The following SCAPER variants were observed in gnomAD, a reference collection of about 807,000 sequenced individuals.
The protein encoded by SCAPER is S phase cyclin A-associated protein in the endoplasmic reticulum.
In SCAPER, 98 loss-of-function variants were observed where a neutral mutation model predicts 182.2. That is an observed-to-expected ratio of 0.54 (90% confidence interval 0.46 to 0.64). The LOEUF (loss-of-function observed/expected upper bound fraction) is 0.64, where lower values mean the gene tolerates loss of function less well. Ranked by LOEUF, SCAPER falls within the 30% of genes least tolerant of loss-of-function variation. SCAPER has a pLI of 0.00. For synonymous variants in SCAPER, 605 were observed against 564.6 expected (o/e 1.07, Z -1.01); for missense variants, 1,432 against 1,690.0 (o/e 0.85, Z 2.68).
chr15:76,432,574 G>A (rs1015683903), intron 26 of SCAPER, among the ~76,000 whole-genome samples: 4 of 152,242 alleles, frequency 2.6e-5, no homozygotes, highest in Admixed American at 2.0e-4. Flanking sequence ...GATCAGTGCA[G>A]AACACAGAAG....
chr15:76,848,298 C>T (rs188484471), intron 4 of SCAPER, among the ~76,000 whole-genome samples: 3 of 141,838 alleles, frequency 2.1e-5, no homozygotes, highest in Admixed American at 2.1e-4. Flanking sequence ...CCGCGCCTGG[C>T]CTAAAACATT....
At chr15:76,854,666 T>TA (rs997863147) in intron 4 of SCAPER, among the ~76,000 whole-genome samples, 16 of 151,200 alleles carry the variant, frequency 1.1e-4, no homozygotes, top group African/African-American at 2.4e-4. Context: ...TCCTAAGTTT[T>TA]AAAAAAAACA....
chr15:76,647,436 A>C (rs985217793), intron 21 of SCAPER, among the ~76,000 whole-genome samples: 1 of 152,216 alleles, frequency 6.6e-6, no homozygotes, highest in South Asian at 2.1e-4. Flanking sequence ...CCTCAGAAAA[A>C]GAAAGCAAGT....
At chr15:76,856,498 A>G (rs1235655726) in intron 4 of SCAPER, among the ~76,000 whole-genome samples, 1 of 150,866 alleles carries the variant, frequency 6.6e-6, no homozygotes, top group African/African-American at 2.4e-5. Context: ...TTTTATATGT[A>G]TATATTAAAA....
At chr15:76,411,161 G>A (rs1224938001) in intron 26 of SCAPER, among the ~76,000 whole-genome samples, 2 of 152,002 alleles carry the variant, frequency 1.3e-5, no homozygotes, top group Non-Finnish European at 2.9e-5. Flanking sequence ...TTTTATATCT[G>A]TCCCTGGCTA....
At chr15:76,743,050 A>G (rs1467576463) in intron 15 of SCAPER, among the ~76,000 whole-genome samples, 2 of 152,154 alleles carry the variant, frequency 1.3e-5, no homozygotes, top group Admixed American at 6.5e-5. Flanking sequence ...ATTGACATGT[A>G]GGTAAAATTA....
chr15:76,603,676 A>G lies in SCAPER; in HGVS notation c.2711+18088T>C. On this transcript the variant is annotated intron_variant, in intron 22 of 31. Transcript: ENST00000563290. ...TGTAAAAGTGTTCCTATTTCTCCAC[A>G]TCCTCTCCAGCACCTGTTGTTTCCT... Among the ~76,000 whole-genome samples, 2 of 121,200 alleles carry G rather than the reference A, an allele frequency of 1.7e-5. 1 individual carries two copies. Among genetic ancestry groups the G allele is most frequent in the Non-Finnish European group, 4.0e-5 (2 of 49,892 alleles). 79.5% of individuals were successfully genotyped at this position (121,200 alleles called of 152,430 possible).
At chr15:76,865,155 T>C (rs137952749) in intron 2 of SCAPER, among the ~76,000 whole-genome samples, 72 of 152,228 alleles carry the variant, frequency 4.7e-4, no homozygotes, top group African/African-American at 1.6e-3. Context: ...GAGAAAAAGA[T>C]ATAAGCCCAA....
chr15:76,757,850 T>C (rs2062545280), intron 14 of SCAPER, among the ~76,000 whole-genome samples: 1 of 152,202 alleles, frequency 6.6e-6, no homozygotes. Flanking sequence ...TTTCCCCTGA[T>C]CATTATAGAT....
chr15:76,373,014 T>TCTTTTTCTTTCTTTCTTTC lies in SCAPER; in HGVS notation c.3855+3129_3855+3147dup, dbSNP rs899579307. 1.4e-4 allele frequency among the ~76,000 whole-genome samples: 21 copies of TCTTTTTCTTTCTTTCTTTC among 148,336 alleles called. No individual in the cohort carries two copies. The East Asian group carries it at 1.8e-3, about 13-fold the overall frequency. On this transcript the variant is annotated intron_variant, in intron 29 of 31. Coordinates refer to ENST00000563290, the MANE Select transcript of SCAPER (RefSeq NM_020843.4). The stretch of plus-strand genomic sequence containing the variant: ...CATTTTTTTCTTTATACTTGCCCTG[T>TCTTTTTCTTTCTTTCTTTC]CTTTTTCTTTCTTTCTTTCCTTTTT...
intron 29 of SCAPER, among the ~76,000 whole-genome samples, chr15:76,373,907 TTG>T (rs1221561789): frequency 6.6e-6 from 1 of 151,932 alleles, no homozygotes; most frequent in Non-Finnish European, 1.5e-5. Flanking sequence ...TTTTTTTTTT[TTG>T]TCTTTTTTCT....
intron 27 of SCAPER, among the ~76,000 whole-genome samples, chr15:76,394,349 G>T (rs1057073330): frequency 1.3e-5 from 2 of 152,302 alleles, no homozygotes; most frequent in Non-Finnish European, 1.5e-5. Context: ...TTACTGAAAA[G>T]ATTCAAACCT....
intron 4 of SCAPER, among the ~76,000 whole-genome samples, chr15:76,842,388 C>CAGG (rs1317996633): frequency 1.3e-5 from 2 of 152,156 alleles, no homozygotes; most frequent in African/African-American, 4.8e-5. Flanking sequence ...ATGCTGTTCT[C>CAGG]ATGATAGTAA....
intron 24 of SCAPER, among the ~76,000 whole-genome samples, chr15:76,497,109 CTTTTT>C (rs57202860): frequency 1.2e-5 from 1 of 86,706 alleles, no homozygotes; most frequent in Admixed American, 1.4e-4. Flanking sequence ...TTGGTCTCCT[CTTTTT>C]TTTTTTTTTT....
At chr15:76,390,263 A>G (rs901904925) in intron 27 of SCAPER, among the ~76,000 whole-genome samples, 2 of 152,144 alleles carry the variant, frequency 1.3e-5, no homozygotes, top group Admixed American at 6.6e-5. Flanking sequence ...CTAAAGAGGA[A>G]CTCTTGAGAA....
chr15:76,630,397 C>A (rs1389870279), intron 21 of SCAPER, among the ~76,000 whole-genome samples: 1 of 151,986 alleles, frequency 6.6e-6, no homozygotes, highest in African/African-American at 2.4e-5. Flanking sequence ...TGTTAAGGTG[C>A]TGATTTGAGA....
intron 2 of SCAPER, among the ~76,000 whole-genome samples, chr15:76,873,204 T>C (rs1247371703): frequency 1.3e-5 from 2 of 148,474 alleles, no homozygotes; most frequent in South Asian, 2.1e-4. Flanking sequence ...TGAGCTATGA[T>C]AGCACCACTA....
Position 76,753,632 on chromosome 15 carries a change from T to C in SCAPER, c.1866+176A>G, listed in dbSNP as rs1031327085. Among the ~76,000 whole-genome samples, 5 of 151,984 alleles carry C rather than the reference T, an allele frequency of 3.3e-5. No homozygotes were observed. In the East Asian group the frequency reaches 7.7e-4, roughly 23 times the overall value. ...TGTAAAAATAATAATAGATGGCTCA[T>C]AGAATTATCAAAGGGATAAAATATT... On this transcript the variant is annotated intron_variant, in intron 15 of 31. Transcript: ENST00000563290.
intron 21 of SCAPER, among the ~76,000 whole-genome samples, chr15:76,625,925 A>AC (rs112116242): frequency 0.021 from 3,234 of 152,286 alleles, 117 homozygotes; most frequent in African/African-American, 0.073. Flanking sequence ...TTCCCTGGCC[A>AC]CAACGGAAGA....
Sources: gnomAD v4.1 joint callset for allele counts (sites outside exome capture counted in the v4.1 genomes callset) on GRCh38, gnomAD v4.1.1 for gene constraint, MANE v1.5 for transcripts, NCBI Gene and HGNC (gene_info 2026-07-23, HGNC 2026-07-21) for gene names.